The following COL26A1 variants were observed in gnomAD, a reference collection of about 807,000 sequenced individuals.
COL26A1 encodes collagen alpha-1(XXVI) chain.
COL26A1 carries 41 observed loss-of-function variants against 59.3 expected under a neutral mutation model. That is an observed-to-expected ratio of 0.69 (90% CI 0.54 to 0.90). COL26A1 has a LOEUF of 0.90. Among genes scored for constraint, COL26A1 ranks in the 40% least tolerant of loss-of-function variants. COL26A1 has a pLI of 0.00. For synonymous variants in COL26A1, 266 were observed against 256.0 expected (o/e 1.04, Z -0.37); for missense variants, 612 against 602.3 (o/e 1.02, Z -0.17).
intron 3 of COL26A1, among the ~76,000 whole-genome samples, chr7:101,484,163 T>A (rs117563332): frequency 6.6e-6 from 1 of 152,034 alleles, no homozygotes; most frequent in Non-Finnish European, 1.5e-5. Flanking sequence ...GAAATTAGCT[T>A]TTATTTACAC....
intron 1 of COL26A1, chr7:101,388,951 A>G (rs1342820182): frequency 1.1e-5 from 3 of 272,728 alleles, no homozygotes; most frequent in African/African-American, 2.3e-5. Flanking sequence ...GATCAGGAAT[A>G]TCTACCAATT....
chr7:101,461,250 C>G (rs959018965), intron 3 of COL26A1, among the ~76,000 whole-genome samples: 1 of 152,016 alleles, frequency 6.6e-6, no homozygotes, highest in African/African-American at 2.4e-5. Context: ...TTTGGCCTTC[C>G]AAAGTGCTGG....
intron 1 of COL26A1, among the ~76,000 whole-genome samples, chr7:101,407,380 G>C (rs1474224036): frequency 6.6e-6 from 1 of 152,006 alleles, no homozygotes; most frequent in Non-Finnish European, 1.5e-5. Context: ...TCTAGAGAGG[G>C]CAGGTCTGAG....
At chr7:101,509,248 C>T (rs745622196) in intron 3 of COL26A1, among the ~76,000 whole-genome samples, 2 of 151,954 alleles carry the variant, frequency 1.3e-5, no homozygotes, top group Non-Finnish European at 2.9e-5. Flanking sequence ...AGTTTGAGAC[C>T]AGCCCGGCCA....
rs1315730759 is a variant in COL26A1, at chr7:101,501,201, AG to A, written c.386-31880del. 9.6e-3 allele frequency among the ~76,000 whole-genome samples: 1,191 copies of A among 124,444 alleles called. 22 individuals carry two copies. Among genetic ancestry groups the A allele is most frequent in the African/African-American group, 0.031 (1,017 of 33,136 alleles). 81.6% of individuals were successfully genotyped at this position (124,444 alleles called of 152,430 possible). A position where few individuals can be genotyped will look rare whatever the true frequency, so the allele number is the denominator to read the frequency against. ...ACTCCGTCTCAAAAAAAAAAAAAAAAGAAAAGAAAAGAAAAGAAAAAAAAAA... is the reference window on the plus strand; with the variant it reads ...ACTCCGTCTCAAAAAAAAAAAAAAAAAAAAGAAAAGAAAAGAAAAAAAAAA... On this transcript the variant is annotated intron_variant, in intron 3 of 12. Transcript: ENST00000313669.
chr7:101,494,363 G>A (rs549369858), intron 3 of COL26A1, among the ~76,000 whole-genome samples: 2 of 152,292 alleles, frequency 1.3e-5, no homozygotes, highest in South Asian at 4.1e-4. Flanking sequence ...CTGACCTCAA[G>A]TGATCTGCTG....
intron 3 of COL26A1, among the ~76,000 whole-genome samples, chr7:101,467,085 C>G (rs185399987): frequency 3.3e-5 from 5 of 151,972 alleles, no homozygotes; most frequent in Admixed American, 2.6e-4. Context: ...GGCAGCCCAT[C>G]AGCAACAGGG....
chr7:101,499,240 T>C (rs1216463208), intron 3 of COL26A1, among the ~76,000 whole-genome samples: 1 of 152,124 alleles, frequency 6.6e-6, no homozygotes, highest in Non-Finnish European at 1.5e-5. Context: ...TTAGGACTCT[T>C]GATTTAAAGC....
chr7:101,518,536 T>C (rs1795077681), intron 3 of COL26A1, among the ~76,000 whole-genome samples: 1 of 152,172 alleles, frequency 6.6e-6, no homozygotes, highest in East Asian at 1.9e-4. Context: ...CTGCACTTGG[T>C]GTCATCTTTC....
chr7:101,493,531 G>A (rs1794512978), intron 3 of COL26A1, among the ~76,000 whole-genome samples: 1 of 152,092 alleles, frequency 6.6e-6, no homozygotes, highest in Non-Finnish European at 1.5e-5. Flanking sequence ...GCTGAATCCT[G>A]TAGACTCTTA....
Position 101,382,468 on chromosome 7 carries a change from A to T in COL26A1, c.158+19278A>T, listed in dbSNP as rs145660554. On this transcript the variant is annotated intron_variant, in intron 1 of 12. Coordinates refer to ENST00000313669, the MANE Select transcript of COL26A1 (RefSeq NM_001278563.3). Reference sequence around the variant, plus strand: ...TGAAATGCCACTTTTATCATATAATAAATTTCCCTATATGCATGATCCTTT... The same window carrying T: ...TGAAATGCCACTTTTATCATATAATTAATTTCCCTATATGCATGATCCTTT... 4.0e-3 allele frequency among the ~76,000 whole-genome samples: 604 copies of T among 152,306 alleles called. 3 individuals carry two copies. Among genetic ancestry groups the T allele is most frequent in the Non-Finnish European group, 6.8e-3 (464 of 68,032 alleles).
chr7:101,410,858 C>A (rs558752085), intron 1 of COL26A1, among the ~76,000 whole-genome samples: 1 of 152,012 alleles, frequency 6.6e-6, no homozygotes, highest in Non-Finnish European at 1.5e-5. Context: ...GCACCACACC[C>A]AGCTAATTTT....
intron 2 of COL26A1, among the ~76,000 whole-genome samples, chr7:101,437,334 A>G (rs1206600133): frequency 6.6e-6 from 1 of 151,676 alleles, no homozygotes; most frequent in Non-Finnish European, 1.5e-5. Flanking sequence ...ACTTGGGCAG[A>G]GACAGAGCAC....
At chr7:101,421,192 C>A (rs992550954) in intron 2 of COL26A1, among the ~76,000 whole-genome samples, 5 of 152,118 alleles carry the variant, frequency 3.3e-5, no homozygotes. Context: ...TTATTCCAAA[C>A]CTGCAGGGTG....
chr7:101,447,769 G>T lies in COL26A1; in HGVS notation c.367G>T (p.Gly123Trp). The T allele has an allele frequency of 6.2e-7, 1 of 1,601,282 alleles. No individual in the cohort carries two copies. The highest frequency in any genetic ancestry group is 2.3e-5 in the East Asian group (1 of 44,324). ...GTGGAGATGCTGCCCTGGCTTCACCGGGAGCAACTGTGATGAGGGTAAGTT... is the reference window on the plus strand; with the variant it reads ...GTGGAGATGCTGCCCTGGCTTCACCTGGAGCAACTGTGATGAGGGTAAGTT... ...LEWRCCPGFT[G>W]SNCDEECMNC... The change falls in exon 3 of 13, where the codon GGG (glycine) becomes TGG (tryptophan). Residue 123 changes from glycine (G) to tryptophan (W), a missense_variant. Transcript: ENST00000313669.
intron 3 of COL26A1, among the ~76,000 whole-genome samples, chr7:101,503,197 T>C (rs1312881832): frequency 6.6e-6 from 1 of 152,164 alleles, no homozygotes; most frequent in Non-Finnish European, 1.5e-5. Context: ...GGGTCCCCTC[T>C]CGCCTCTGTT....
chr7:101,448,117 C>T (rs532567415), intron 3 of COL26A1, among the ~76,000 whole-genome samples: 1 of 152,326 alleles, frequency 6.6e-6, no homozygotes, highest in East Asian at 1.9e-4. Context: ...ACCCAGAACC[C>T]CTGGGGCAGG....
At chr7:101,519,898 T>A (rs1795105225) in intron 3 of COL26A1, among the ~76,000 whole-genome samples, 1 of 152,074 alleles carries the variant, frequency 6.6e-6, no homozygotes, top group Non-Finnish European at 1.5e-5. Context: ...CATGGTGAAA[T>A]GTGATCCCCT....
At chr7:101,551,229 G>A in intron 10 of COL26A1, 86 bp downstream of exon 10, 1 of 1,041,158 alleles carries the variant, frequency 9.6e-7, no homozygotes, top group East Asian at 2.6e-5. Flanking sequence ...GCGGGGGTTG[G>A]TGGGGGGGTT....
Sources: allele counts gnomAD v4.1 joint callset (sites outside exome capture counted in the v4.1 genomes callset), GRCh38; gene constraint gnomAD v4.1.1; transcripts MANE v1.5; gene names NCBI Gene and HGNC (gene_info 2026-07-23, HGNC 2026-07-21).